Variants in SMAD1 observed in about 807,000 individuals in gnomAD.
SMAD1 encodes the protein SMAD family member 1.
A neutral mutation model predicts 41.6 loss-of-function variants in SMAD1; 6 were observed. The observed-to-expected ratio is 0.14, with a 90% CI of 0.08 to 0.28. SMAD1 has a LOEUF of 0.28. Among genes scored for constraint, SMAD1 ranks in the 10% least tolerant of loss-of-function variants. The pLI, the probability that SMAD1 is intolerant of heterozygous loss-of-function variation, is 1.00. For missense variants in SMAD1, 379 were observed against 582.6 expected (o/e 0.65, Z 3.60); for synonymous variants, 206 against 203.2 (o/e 1.01, Z -0.12).
At chr4:145,530,962 A>G (rs1731284562) in intron 2 of SMAD1, among the ~76,000 whole-genome samples, 1 of 152,240 alleles carries the variant, frequency 6.6e-6, no homozygotes, top group African/African-American at 2.4e-5. Flanking sequence ...ATTTAGTGAT[A>G]GACACTTTTC....
At chr4:145,523,452 A>G (rs1730865080) in intron 2 of SMAD1, among the ~76,000 whole-genome samples, 1 of 152,242 alleles carries the variant, frequency 6.6e-6, no homozygotes, top group East Asian at 1.9e-4. Flanking sequence ...ACAATAAAAT[A>G]GAAAAGAATT....
At chr4:145,539,493 A>C (rs1731798283) in intron 2 of SMAD1, among the ~76,000 whole-genome samples, 1 of 152,218 alleles carries the variant, frequency 6.6e-6, no homozygotes, top group African/African-American at 2.4e-5. Flanking sequence ...GTGAATGAAA[A>C]AATTAAGAAT....
intron 2 of SMAD1, 43 bp downstream of exon 2, chr4:145,515,056 AC>A: frequency 6.5e-7 from 1 of 1,530,600 alleles, no homozygotes; most frequent in Non-Finnish European, 8.8e-7. Flanking sequence ...TGTGCCCAGT[AC>A]CAGATTTGTG....
In SMAD1 at chr4:145,557,988, G is replaced by A. The variant is rs1732941781; in HGVS notation, c.*54G>A. On this transcript the variant is annotated 3_prime_UTR_variant, in exon 7 of 7. Transcript: ENST00000302085. Reference sequence around the variant, plus strand: ...CTATTGAGCCTTGCATGTACTTGAAGGATGGATGAGTCAGACACGATTGAG... The same window carrying A: ...CTATTGAGCCTTGCATGTACTTGAAAGATGGATGAGTCAGACACGATTGAG... The A allele has an allele frequency of 7.2e-7, 1 of 1,395,038 alleles. No homozygotes were observed. Among genetic ancestry groups the A allele is most frequent in the South Asian group, 1.6e-5 (1 of 64,020 alleles). 86.4% of individuals were successfully genotyped at this position (1,395,038 alleles called of 1,614,324 possible).
rs188785018 is a variant in SMAD1 at position 145,521,828 on chromosome 4, G to A, written c.400+6815G>A. On this transcript the variant is annotated intron_variant, in intron 2 of 6. Coordinates refer to ENST00000302085, the MANE Select transcript of SMAD1 (RefSeq NM_005900.3). ...AGTCTGTAATATTCTGATTCTGTAAGTAGGATTTCTCTGTTATCCTTAAAA... is the reference window on the plus strand; with the variant it reads ...AGTCTGTAATATTCTGATTCTGTAAATAGGATTTCTCTGTTATCCTTAAAA... Among the ~76,000 whole-genome samples, 579 of 150,676 alleles carry A rather than the reference G, an allele frequency of 3.8e-3. 1 individual carries two copies. Among genetic ancestry groups the A allele is most frequent in the African/African-American group, 0.013 (549 of 40,960 alleles).
rs1730519811 is a variant in SMAD1, at chr4:145,517,955, G to A, written c.400+2942G>A. 3.2e-5 allele frequency among the ~76,000 whole-genome samples: 4 copies of A among 126,940 alleles called. 1 individual carries two copies. In the South Asian group the frequency reaches 1.0e-3, roughly 32 times the overall value. 83.3% of individuals were successfully genotyped at this position (126,940 alleles called of 152,430 possible). A position where few individuals can be genotyped will look rare whatever the true frequency, so the allele number is the denominator to read the frequency against. The stretch of plus-strand genomic sequence containing the variant: ...CAGTTCTGGAAAACATGGAGGCTGA[G>A]GCTAAGATCTATTTAATTTGAACAT... On this transcript the variant is annotated intron_variant, in intron 2 of 6. Transcript: ENST00000302085.
chr4:145,523,731 C>G (rs1339327915), intron 2 of SMAD1, among the ~76,000 whole-genome samples: 1 of 152,042 alleles, frequency 6.6e-6, no homozygotes, highest in African/African-American at 2.4e-5. Context: ...TCAGCTTTTG[C>G]GCTTGAAGGT....
chr4:145,502,415 TTGGGGA>T (rs1729496357), intron 1 of SMAD1, among the ~76,000 whole-genome samples: 1 of 152,178 alleles, frequency 6.6e-6, no homozygotes, highest in African/African-American at 2.4e-5. Context: ...TTTGTTGAAG[TTGGGGA>T]CAATAAGAAA....
chr4:145,496,462 TGTG>T (rs982830540), intron 1 of SMAD1, among the ~76,000 whole-genome samples: 4 of 152,174 alleles, frequency 2.6e-5, no homozygotes, highest in African/African-American at 7.2e-5. Context: ...TGGTTGTGGT[TGTG>T]GTGATGAGGA....
At chr4:145,493,334 G>A (rs191496819) in intron 1 of SMAD1, among the ~76,000 whole-genome samples, 12 of 152,308 alleles carry the variant, frequency 7.9e-5, no homozygotes, top group Admixed American at 3.3e-4. Context: ...AGCTGGTTGC[G>A]TATAGCTTGC....
chr4:145,535,984 C>CA (rs143317658), intron 2 of SMAD1, among the ~76,000 whole-genome samples: 7,451 of 112,964 alleles, frequency 0.066, 213 homozygotes, highest in African/African-American at 0.096. Context: ...CTTAGTATAC[C>CA]AAAAAAAAAA....
intron 5 of SMAD1, among the ~76,000 whole-genome samples, chr4:145,553,179 GAGA>G (rs1732648961): frequency 2.0e-5 from 3 of 151,146 alleles, no homozygotes; most frequent in Non-Finnish European, 4.4e-5. Context: ...CCAAAGTGCT[GAGA>G]TTACAGGCGT....
chr4:145,540,043 A>G lies in SMAD1; in HGVS notation c.640A>G (p.Ser214Gly), dbSNP rs763649399. 6.2e-7 allele frequency: 1 copy of G among 1,614,126 alleles called. No individual in the cohort carries two copies. The highest frequency in any genetic ancestry group is 1.1e-5 in the South Asian group (1 of 91,086). Residue 214 changes from serine (S) to glycine (G), a missense_variant, in exon 3 of 7, where the codon AGC becomes GGC. Ser to Gly is a moderately conservative substitution (Grantham distance 56). Transcript: ENST00000302085. ...CTCTCCCACCAGCTCAGACCCAGGA[A>G]GCCCTTTCCAGATGCCAGGTAGGTT... ...PHSPTSSDPG[S>G]PFQMPADTPP... is the part of the protein sequence containing the mutation.
At chr4:145,539,043 C>T (rs1486543037) in intron 2 of SMAD1, among the ~76,000 whole-genome samples, 1 of 152,106 alleles carries the variant, frequency 6.6e-6, no homozygotes, top group African/African-American at 2.4e-5. Flanking sequence ...TCAACAGGTG[C>T]CTACCTATTG....
intron 1 of SMAD1, among the ~76,000 whole-genome samples, chr4:145,512,839 A>T (rs1355672295): frequency 6.6e-6 from 1 of 152,170 alleles, no homozygotes; most frequent in Non-Finnish European, 1.5e-5. Flanking sequence ...CTTCCTCTAC[A>T]GAGAATTTGT....
intron 1 of SMAD1, among the ~76,000 whole-genome samples, chr4:145,491,900 G>A (rs1028139894): frequency 1.3e-5 from 2 of 152,190 alleles, no homozygotes; most frequent in African/African-American, 4.8e-5. Context: ...GCTCATTGAT[G>A]TGAGACGCAG....
chr4:145,482,223 ACC>A lies in SMAD1; in HGVS notation c.-177+196_-177+197del, dbSNP rs1190001940. On this transcript the variant is annotated intron_variant, in intron 1 of 6. Transcript: ENST00000302085. This position sits in a 1 kb window ranked among gnomAD's most constrained non-coding sequence, Gnocchi z 4.2. ...CTCTTTCTGCGCGGGGCGGGCCGCG[ACC>A]CCCCCCCCCCATGATGGCGCCTCCC... Among the ~76,000 whole-genome samples, 8,686 of 105,436 alleles carry A rather than the reference ACC, an allele frequency of 0.082. 499 individuals are homozygous for A. Among genetic ancestry groups the A allele is most frequent in the African/African-American group, 0.18 (5,413 of 30,902 alleles). The allele number at this position is 105,436 out of a possible 152,430, so 69.2% of individuals were successfully genotyped here.
intron 2 of SMAD1, among the ~76,000 whole-genome samples, chr4:145,523,749 C>T (rs904841272): frequency 6.6e-6 from 1 of 152,078 alleles, no homozygotes; most frequent in East Asian, 1.9e-4. Flanking sequence ...GGTTGGGTTC[C>T]GGGCAGAGCC....
intron 1 of SMAD1, among the ~76,000 whole-genome samples, chr4:145,485,382 A>G (rs1228934448): frequency 1.3e-5 from 2 of 152,200 alleles, no homozygotes; most frequent in African/African-American, 4.8e-5. Flanking sequence ...GGCTACTTAT[A>G]GCTATTTAAG....
Sources: gnomAD v4.1 joint callset for allele counts (sites outside exome capture counted in the v4.1 genomes callset) on GRCh38, gnomAD v4.1.1 for gene constraint, Gnocchi (gnomAD v3.1) non-coding constraint, MANE v1.5 for transcripts, NCBI Gene and HGNC (gene_info 2026-07-23, HGNC 2026-07-21) for gene names.